EIF2S2: variants seen among roughly 807,000 people sequenced by gnomAD.
The protein encoded by EIF2S2 is eukaryotic translation initiation factor 2 subunit 2.
A neutral mutation model predicts 44.0 loss-of-function variants in EIF2S2; 4 were observed. The ratio of observed to expected loss-of-function variants is 0.09; its 90% CI spans 0.04 to 0.21. The LOEUF is 0.21. Among genes scored for constraint, EIF2S2 ranks in the 10% least tolerant of loss-of-function variants. The pLI, the probability that EIF2S2 is intolerant of heterozygous loss-of-function variation, is 1.00. For synonymous variants in EIF2S2, 108 were observed against 128.3 expected, an observed-to-expected ratio of 0.84 and a Z score of 1.07; for missense variants, 154 against 392.0, an observed-to-expected ratio of 0.39 and a Z score of 5.13.
chr20:34,089,674 C>G lies in EIF2S2; in HGVS notation c.*56G>C, dbSNP rs2034140273. On this transcript the variant is annotated 3_prime_UTR_variant, in exon 9 of 9. Transcript: ENST00000374980. Reference sequence around the variant, plus strand: ...TACAACGGTATATCCACTCTGATGGCAAACCTGTCCAGCCACATCTCCACA... The same window carrying G: ...TACAACGGTATATCCACTCTGATGGGAAACCTGTCCAGCCACATCTCCACA... 1.3e-6 allele frequency: 2 copies of G among 1,563,940 alleles called. No individual in the cohort carries two copies. The highest frequency in any genetic ancestry group is 2.7e-5 in the African/African-American group (2 of 72,940).
intron 1 of EIF2S2, among the ~76,000 whole-genome samples, chr20:34,109,050 C>A (rs2034380918): frequency 6.6e-6 from 1 of 152,102 alleles, no homozygotes; most frequent in Non-Finnish European, 1.5e-5. Flanking sequence ...CTGGCCTCAG[C>A]CTCCTGAGTA....
At position 34,098,529 on chromosome 20, in the gene EIF2S2, T is replaced by A; in HGVS notation, c.402A>T (p.Pro134=). The A allele has an allele frequency of 6.2e-7, 1 of 1,613,930 alleles. No homozygotes were observed. The highest frequency in any genetic ancestry group is 1.1e-5 in the South Asian group (1 of 91,086). The change falls in exon 4 of 9, where the codon CCA becomes CCT. Residue 134 remains proline (P), a synonymous_variant. Coordinates refer to ENST00000374980, the MANE Select transcript of EIF2S2 (RefSeq NM_003908.5). ...CTTTCTCTAGTATTTCATCCTCATC[T>A]GGGAACTTAACATTCTTCTTTTTCT... ...KKKKKKNVKF[P]DEDEILEKDE...
intron 2 of EIF2S2, among the ~76,000 whole-genome samples, chr20:34,105,069 G>T (rs150674130): frequency 6.8e-4 from 103 of 152,164 alleles, no homozygotes; most frequent in African/African-American, 2.4e-3. Context: ...ATTTCTTTCT[G>T]CCCACACTCA....
At position 34,103,584 on chromosome 20, in the gene EIF2S2, AATT is replaced by A. The variant is rs767410490; in HGVS notation, c.194-22_194-20del. 13 of 1,531,730 alleles carry A rather than the reference AATT, an allele frequency of 8.5e-6. No homozygotes were observed. Among genetic ancestry groups the A allele is most frequent in the African/African-American group, 1.4e-5 (1 of 71,378 alleles). The allele number at this position is 1,531,730 out of a possible 1,614,324, so 94.9% of individuals were successfully genotyped here. Reference sequence around the variant, plus strand: ...GAAGCATCTAAAAAGACCAAGGCATAATTATTAACAACTAAAAGGCAAAGCATC... The same window carrying A: ...GAAGCATCTAAAAAGACCAAGGCATAATTAACAACTAAAAGGCAAAGCATC... On this transcript the variant is annotated intron_variant, in intron 2 of 8. Transcript: ENST00000374980.
At chr20:34,097,575 G>T (rs1472931448) in intron 4 of EIF2S2, 59 bp from the exon 5 acceptor site, 2 of 1,401,710 alleles carry the variant, frequency 1.4e-6, no homozygotes, top group African/African-American at 1.4e-5. Flanking sequence ...ACAAAAGTGG[G>T]GTGGGTCTAG....
intron 1 of EIF2S2, among the ~76,000 whole-genome samples, chr20:34,106,333 G>A (rs1030238122): frequency 6.6e-6 from 1 of 151,708 alleles, no homozygotes; most frequent in East Asian, 1.9e-4. Flanking sequence ...AATCTTCAAG[G>A]AAATCCATCA....
intron 8 of EIF2S2, 66 bp from the exon 9 acceptor site, chr20:34,089,971 T>C (rs2034144245): frequency 6.5e-7 from 1 of 1,549,298 alleles, no homozygotes; most frequent in Non-Finnish European, 8.9e-7. Flanking sequence ...TTCTGCCTTC[T>C]TAAATACATC....
chr20:34,090,003 A>G, intron 8 of EIF2S2, 98 bp from the exon 9 acceptor site: 1 of 1,365,316 alleles, frequency 7.3e-7, no homozygotes, highest in Non-Finnish European at 1.0e-6. Flanking sequence ...CCACAAGCCC[A>G]GGCTGAGAAT....
chr20:34,096,873 T>A lies in EIF2S2; in HGVS notation c.535-68A>T, dbSNP rs949678062. 1.4e-5 allele frequency: 21 copies of A among 1,483,324 alleles called. No individual in the cohort carries two copies. In the African/African-American group the frequency reaches 2.7e-4, roughly 19 times the overall value. The allele number at this position is 1,483,324 out of a possible 1,614,324, so 91.9% of individuals were successfully genotyped here. A position where few individuals can be genotyped will look rare whatever the true frequency, so the allele number is the denominator to read the frequency against. The stretch of plus-strand genomic sequence containing the variant: ...CAGGGGTATAAAGTTCCCCTTTGAG[T>A]CATGTTGCTTAACAGCAAATACTTC... On this transcript the variant is annotated intron_variant, in intron 5 of 8. Transcript: ENST00000374980.
At chr20:34,107,469 C>G (rs773422742) in intron 1 of EIF2S2, among the ~76,000 whole-genome samples, 1 of 152,152 alleles carries the variant, frequency 6.6e-6, no homozygotes, top group Non-Finnish European at 1.5e-5. Context: ...CAACAAACCA[C>G]ACAAGGTTAC....
At chr20:34,112,062 A>C in intron 1 of EIF2S2, 34 bp downstream of exon 1, 1 of 1,503,430 alleles carries the variant, frequency 6.7e-7, no homozygotes, top group Non-Finnish European at 9.0e-7. Context: ...TCTCGCCTCA[A>C]TCCTTAGCCC....
intron 6 of EIF2S2, among the ~76,000 whole-genome samples, chr20:34,095,759 C>A (rs4911407): frequency 0.74 from 112,613 of 152,136 alleles, 42,133 homozygotes; most frequent in South Asian, 0.85. Context: ...TAAGTAATGA[C>A]AACAAGTGGT....
chr20:34,106,180 A>G (rs962627468), intron 1 of EIF2S2, among the ~76,000 whole-genome samples: 2 of 152,008 alleles, frequency 1.3e-5, no homozygotes, highest in Non-Finnish European at 2.9e-5. Flanking sequence ...TCGGCCACAC[A>G]AAGCAATGGA....
intron 6 of EIF2S2, among the ~76,000 whole-genome samples, chr20:34,094,545 T>C (rs1280483597): frequency 2.0e-5 from 3 of 152,180 alleles, no homozygotes; most frequent in Non-Finnish European, 2.9e-5. Context: ...AATCCATATA[T>C]ATTTCATGTG....
chr20:34,095,166 TACTC>T (rs2034212074), intron 6 of EIF2S2, among the ~76,000 whole-genome samples: 1 of 152,236 alleles, frequency 6.6e-6, no homozygotes, highest in Non-Finnish European at 1.5e-5. Flanking sequence ...TTAAAACACT[TACTC>T]AGACTAATGA....
intron 3 of EIF2S2, among the ~76,000 whole-genome samples, chr20:34,099,126 T>A (rs1043806615): frequency 6.6e-6 from 1 of 152,308 alleles, no homozygotes; most frequent in Non-Finnish European, 1.5e-5. Context: ...TCCCAGCACT[T>A]TGGGACGTCG....
intron 1 of EIF2S2, among the ~76,000 whole-genome samples, chr20:34,107,614 A>G (rs1021499487): frequency 3.3e-5 from 5 of 152,214 alleles, no homozygotes; most frequent in Non-Finnish European, 5.9e-5. Flanking sequence ...CTTGATTCCT[A>G]TCACTGAAAT....
chr20:34,110,622 T>C (rs2034402053), intron 1 of EIF2S2, among the ~76,000 whole-genome samples: 1 of 152,208 alleles, frequency 6.6e-6, no homozygotes, highest in Admixed American at 6.5e-5. Flanking sequence ...ATTCCACTTC[T>C]TTCAAAGCCT....
rs758996570 is a variant in EIF2S2 at position 34,098,600 on chromosome 20, T to C, written c.331A>G (p.Thr111Ala). 51 of 1,613,898 alleles carry C rather than the reference T, an allele frequency of 3.2e-5. No individual in the cohort carries two copies. The highest frequency in any genetic ancestry group is 1.1e-4 in the East Asian group (5 of 44,888). Residue 111 changes from threonine to alanine, a missense_variant, in exon 4 of 9, where the codon ACT becomes GCT. Physicochemically the swap from Thr to Ala is moderately conservative, Grantham distance 58. Around this residue, in one of 2 missense-constraint regions of EIF2S2, gnomAD observed 134 missense variants for 225.0 expected, o/e 0.60. Transcript: ENST00000374980. The part of the protein sequence containing the change: ...LKIESDVQEP[T>A]EPEDDLDIML... ...ATGTCAAGGTCATCCTCTGGTTCAG[T>C]TGGTTCTTGAACATCACTTTCAATC...
Sources: allele counts gnomAD v4.1 joint callset (sites outside exome capture counted in the v4.1 genomes callset), GRCh38; gene constraint gnomAD v4.1.1; regional missense constraint gnomAD v4.1.1; transcripts MANE v1.5; gene names NCBI Gene and HGNC (gene_info 2026-07-23, HGNC 2026-07-21).